Variants in RALGDS observed in about 807,000 individuals in gnomAD.
RALGDS encodes ral guanine nucleotide dissociation stimulator.
A neutral mutation model predicts 99.8 loss-of-function variants in RALGDS; 44 were observed. The observed-to-expected ratio is 0.44, with a 90% CI of 0.35 to 0.57. RALGDS has a LOEUF of 0.57. RALGDS is among the 20% of genes least tolerant of loss of function. The pLI, the probability that RALGDS is intolerant of heterozygous loss-of-function variation, is 0.01. For missense variants in RALGDS, 1,022 were observed against 1,203.1 expected (o/e 0.85, Z 2.23); for synonymous variants, 529 against 505.0 (o/e 1.05, Z -0.64).
At chr9:133,131,064 G>T (rs1207909387) in exon 1 of RALGDS, 1 of 1,518,664 alleles carries the variant, frequency 6.6e-7, no homozygotes, top group African/African-American at 1.4e-5. Context: ...AGGGGCTGTG[G>T]AGTGCCCCCA....
At chr9:133,127,108 A>T (rs1304314564) in intron 1 of RALGDS, among the ~76,000 whole-genome samples, 1 of 152,208 alleles carries the variant, frequency 6.6e-6, no homozygotes, top group Non-Finnish European at 1.5e-5. Context: ...CCTTCCACCC[A>T]TTCCTTGGCC....
intron 3 of RALGDS, 85 bp from the exon 4 acceptor site, chr9:133,109,806 T>C: frequency 9.6e-7 from 1 of 1,042,640 alleles, no homozygotes; most frequent in Non-Finnish European, 1.5e-6. Flanking sequence ...TTTGCTTTTT[T>C]TCATCAAATT....
At chr9:133,132,804 T>A (rs1832362761), upstream of RALGDS, among the ~76,000 whole-genome samples, 1 of 152,108 alleles carries the variant, frequency 6.6e-6, no homozygotes, top group Non-Finnish European at 1.5e-5. Flanking sequence ...CACGCCCAGC[T>A]AATTTTTGTA....
intron 1 of RALGDS, among the ~76,000 whole-genome samples, chr9:133,119,436 G>A (rs1204156655): frequency 6.6e-6 from 1 of 152,144 alleles, no homozygotes; most frequent in Non-Finnish European, 1.5e-5. Flanking sequence ...AATAGCAGTC[G>A]AGGTCTGGAT....
intron 1 of RALGDS, among the ~76,000 whole-genome samples, chr9:133,137,324 TC>T (rs1331378033): frequency 6.6e-6 from 1 of 152,250 alleles, no homozygotes; most frequent in African/African-American, 2.4e-5. Context: ...GGGACTCTGT[TC>T]CCCAGGGTCC....
At chr9:133,103,199 C>T (rs772697370) in intron 12 of RALGDS, 31 bp downstream of exon 12, 49 of 1,613,506 alleles carry the variant, frequency 3.0e-5, no homozygotes, top group Non-Finnish European at 3.5e-5. Context: ...TTCCACCCCT[C>T]CCCAAGTCAG....
At chr9:133,121,282 C>A (rs1180474590), upstream of RALGDS, 1 of 582,930 alleles carries the variant, frequency 1.7e-6, no homozygotes, top group Non-Finnish European at 2.1e-6. Context: ...GGCTGGGGGG[C>A]GGGGCCGGAG....
chr9:133,143,121 GGAA>G, intron 1 of RALGDS, among the ~76,000 whole-genome samples: 1 of 152,352 alleles, frequency 6.6e-6, no homozygotes, highest in African/African-American at 2.4e-5. Flanking sequence ...GGGGACAGAG[GGAA>G]GGACTCTGTG....
rs775147031 is a variant in RALGDS at position 133,108,099 on chromosome 9, C to T, written c.1086G>A (p.Gln362=). 3.1e-6 allele frequency: 5 copies of T among 1,613,724 alleles called. No homozygotes were observed. The Admixed American group carries it at 5.0e-5, about 16-fold the overall frequency. ...CAACCACAGGTGAAGGCCAGGAAGG[C>T]TGTAATGATGGAACTGGTGCTGGAG... is the stretch of plus-strand genomic sequence containing the variant. ...EPAPAPVPSL[Q]PSWPSPVVAE... is the part of the protein sequence containing the mutation. The change falls in exon 6 of 18, where the codon CAG becomes CAA. Residue 362 remains glutamine (Q), a synonymous_variant. Coordinates refer to ENST00000372050, the MANE Select transcript of RALGDS (RefSeq NM_006266.4).
chr9:133,125,894 T>C (rs1475560711), upstream of RALGDS, among the ~76,000 whole-genome samples: 1 of 152,156 alleles, frequency 6.6e-6, no homozygotes, highest in Non-Finnish European at 1.5e-5. Context: ...CAGGGGTCAC[T>C]GATGGCATCT....
chr9:133,106,045 A>G, intron 8 of RALGDS, 29 bp from the exon 9 acceptor site: 1 of 1,571,874 alleles, frequency 6.4e-7, no homozygotes, highest in Non-Finnish European at 8.7e-7. Flanking sequence ...AGGAAAGAGA[A>G]AGCTGGGAAT....
At chr9:133,111,969 G>C (rs536488781) in intron 2 of RALGDS, 73 bp downstream of exon 2, 2 of 1,126,538 alleles carry the variant, frequency 1.8e-6, no homozygotes, top group African/African-American at 1.5e-5. Flanking sequence ...TCAGAACTGG[G>C]GGCCCTCAAG....
chr9:133,099,022 G>C, intron 17 of RALGDS: 1 of 483,814 alleles, frequency 2.1e-6, no homozygotes, highest in Non-Finnish European at 3.8e-6. Context: ...AGCTGGCAGA[G>C]GGTCACCCCG....
At chr9:133,102,626 C>G in intron 13 of RALGDS, 55 bp from the exon 14 acceptor site, 2 of 1,607,752 alleles carry the variant, frequency 1.2e-6, no homozygotes, top group Non-Finnish European at 1.7e-6. Flanking sequence ...CGGCCTTCCC[C>G]CAGCACCTGC....
At chr9:133,102,245 G>A in intron 14 of RALGDS, 106 bp from the exon 15 acceptor site, 5 of 1,266,288 alleles carry the variant, frequency 3.9e-6, no homozygotes, top group Non-Finnish European at 5.5e-6. Context: ...TGGGACAGTT[G>A]CCAGTACTCC....
intron 6 of RALGDS, among the ~76,000 whole-genome samples, chr9:133,107,587 C>T (rs559776426): frequency 3.2e-4 from 48 of 151,974 alleles, no homozygotes; most frequent in Admixed American, 1.1e-3. Flanking sequence ...CTGCTGTGGG[C>T]GCTACAACTA....
intron 1 of RALGDS, among the ~76,000 whole-genome samples, chr9:133,136,911 C>A (rs985183706): frequency 1.3e-5 from 2 of 151,906 alleles, no homozygotes; most frequent in Non-Finnish European, 2.9e-5. Context: ...CATACTCCAG[C>A]CTAGGCGACA....
chr9:133,104,242 C>T lies in RALGDS; in HGVS notation c.1671+21G>A, dbSNP rs769045937. On this transcript the variant is annotated intron_variant, in intron 10 of 17. Transcript: ENST00000372050. ...CCCCCAGGCCAGCCCCCTGCCCCTC[C>T]GCGGCCTTGGGCACTCTCACCGTCT... 160 of 1,605,782 alleles carry T rather than the reference C, an allele frequency of 1.0e-4. 1 individual carries two copies. In the Middle Eastern group the frequency reaches 1.2e-3, roughly 12 times the overall value.
chr9:133,131,558 CA>C (rs1832334495), upstream of RALGDS, among the ~76,000 whole-genome samples: 1 of 152,052 alleles, frequency 6.6e-6, no homozygotes, highest in African/African-American at 2.4e-5. Flanking sequence ...CAGCCTTCTC[CA>C]ACACCCCTGT....
Sources: allele counts gnomAD v4.1 joint callset (sites outside exome capture counted in the v4.1 genomes callset), GRCh38; gene constraint gnomAD v4.1.1; transcripts MANE v1.5; gene names NCBI Gene and HGNC (gene_info 2026-07-23, HGNC 2026-07-21).